The following ATXN1 variants were observed in gnomAD, a reference collection of about 807,000 sequenced individuals.
ATXN1 encodes ataxin-1.
Under a neutral mutation model 56.4 loss-of-function variants are expected in ATXN1, and 8 were observed. The observed-to-expected ratio is 0.14, with a 90% CI of 0.08 to 0.26. The LOEUF (loss-of-function observed/expected upper bound fraction) is 0.26. ATXN1 is among the 10% of genes least tolerant of loss of function. The pLI is 1.00. For synonymous variants in ATXN1, 514 were observed against 494.6 expected, an observed-to-expected ratio of 1.04 and a Z score of -0.52; for missense variants, 987 against 1,106.5, an observed-to-expected ratio of 0.89 and a Z score of 1.53.
intron 6 of ATXN1, among the ~76,000 whole-genome samples, chr6:16,392,697 T>C (rs1758380456): frequency 6.6e-6 from 1 of 152,152 alleles, no homozygotes; most frequent in Non-Finnish European, 1.5e-5. Flanking sequence ...GGTTTCATCA[T>C]GTTAGGCAGG....
chr6:16,496,184 G>GC (rs1296815875), intron 5 of ATXN1, among the ~76,000 whole-genome samples: 5 of 152,132 alleles, frequency 3.3e-5, no homozygotes, highest in Admixed American at 3.3e-4. Context: ...ACAAAGTATT[G>GC]CAAGACAAAG....
chr6:16,508,257 A>G (rs1561731646), intron 5 of ATXN1, among the ~76,000 whole-genome samples: 1 of 152,240 alleles, frequency 6.6e-6, no homozygotes, highest in Non-Finnish European at 1.5e-5. Flanking sequence ...ATACTGATAT[A>G]GTAGATAAAA....
intron 2 of ATXN1, among the ~76,000 whole-genome samples, chr6:16,664,647 GAAGA>G (rs1177754366): frequency 1.3e-5 from 2 of 152,052 alleles, no homozygotes; most frequent in African/African-American, 4.8e-5. Flanking sequence ...ACTTTTTCCA[GAAGA>G]AAGGTGAAAC....
At chr6:16,314,084 A>C (rs956191965) in intron 7 of ATXN1, among the ~76,000 whole-genome samples, 2 of 152,224 alleles carry the variant, frequency 1.3e-5, no homozygotes, top group Non-Finnish European at 2.9e-5. Context: ...CATTGTAGGC[A>C]CAGATCGGAT....
At chr6:16,349,002 G>A (rs1309426050) in intron 6 of ATXN1, among the ~76,000 whole-genome samples, 1 of 152,128 alleles carries the variant, frequency 6.6e-6, no homozygotes, top group Non-Finnish European at 1.5e-5. Flanking sequence ...TCATTTCTCT[G>A]TGCCTCAGTT....
intron 6 of ATXN1, among the ~76,000 whole-genome samples, chr6:16,456,440 C>T (rs150974327): frequency 6.2e-4 from 94 of 152,312 alleles, no homozygotes; most frequent in East Asian, 3.3e-3. Context: ...GGCTCACTAA[C>T]AACCCCCGAC....
intron 2 of ATXN1, among the ~76,000 whole-genome samples, chr6:16,719,914 G>C (rs1759713111): frequency 6.6e-6 from 1 of 152,170 alleles, no homozygotes; most frequent in Non-Finnish European, 1.5e-5. Flanking sequence ...GCTGACACCT[G>C]ATTTCAGACG....
intron 6 of ATXN1, among the ~76,000 whole-genome samples, chr6:16,419,179 G>A (rs1324966040): frequency 6.6e-6 from 1 of 152,146 alleles, no homozygotes; most frequent in Non-Finnish European, 1.5e-5. Context: ...AAACTCTGGG[G>A]CTCAAGTGAT....
chr6:16,454,014 C>T (rs897642207), intron 6 of ATXN1, among the ~76,000 whole-genome samples: 6 of 150,192 alleles, frequency 4.0e-5, no homozygotes, highest in African/African-American at 7.4e-5. Flanking sequence ...CATGGTGGCA[C>T]GTGCCTGTAA....
rs2876421 is a variant in ATXN1 at position 16,506,029 on chromosome 6, T to A, written c.-299+16598A>T. ...TTCATCTGGAGGGCAGTGTCTTCCC[T>A]CCTAGAAGAGAGGCCCAGGCTGAGA... On this transcript the variant is annotated intron_variant, in intron 5 of 7. Transcript: ENST00000436367. This position sits in a 1 kb window ranked among gnomAD's most constrained non-coding sequence, Gnocchi z 4.1. Among the ~76,000 whole-genome samples the A allele has an allele frequency of 0.044, 6,759 of 152,188 alleles. 316 individuals are homozygous for A. The highest frequency in any genetic ancestry group is 0.17 in the South Asian group (794 of 4,810).
intron 6 of ATXN1, among the ~76,000 whole-genome samples, chr6:16,372,935 AAAC>A (rs1762073275): frequency 1.1e-4 from 1 of 9,462 alleles, no homozygotes; most frequent in Non-Finnish European, 2.1e-4. Context: ...ATAAATAAAT[AAAC>A]AAACAAACAA....
In ATXN1 at chr6:16,674,500, C is replaced by A. The variant is rs569266170; in HGVS notation, c.-614-16599G>T. Among the ~76,000 whole-genome samples the A allele has an allele frequency of 8.6e-5, 13 of 151,040 alleles. 1 individual carries two copies. In the South Asian group the frequency reaches 2.1e-3, roughly 24 times the overall value. The stretch of plus-strand genomic sequence containing the variant: ...AAGTAGCTGGGATTACAGGCGCCCA[C>A]CACCACGCCCAGCTAATTTTTTTTT... On this transcript the variant is annotated intron_variant, in intron 2 of 7. Coordinates refer to ENST00000436367, the MANE Select transcript of ATXN1 (RefSeq NM_001128164.2).
At chr6:16,360,650 G>C (rs930433566) in intron 6 of ATXN1, among the ~76,000 whole-genome samples, 3 of 152,126 alleles carry the variant, frequency 2.0e-5, no homozygotes, top group Non-Finnish European at 1.5e-5. Context: ...TTTAAGTCCA[G>C]GGCTCATTCC....
At chr6:16,714,921 C>T (rs1759606724) in intron 2 of ATXN1, among the ~76,000 whole-genome samples, 1 of 152,160 alleles carries the variant, frequency 6.6e-6, no homozygotes, top group African/African-American at 2.4e-5. Flanking sequence ...GGCTTCCCTA[C>T]ACTCTAATTT....
At chr6:16,562,923 A>C (rs1762149142) in intron 4 of ATXN1, among the ~76,000 whole-genome samples, 2 of 151,748 alleles carry the variant, frequency 1.3e-5, no homozygotes, top group Non-Finnish European at 2.9e-5. Context: ...ATGAAAGATC[A>C]AGCAGGAGAG....
intron 2 of ATXN1, among the ~76,000 whole-genome samples, chr6:16,750,756 T>C (rs1158705080): frequency 6.6e-6 from 1 of 152,176 alleles, no homozygotes; most frequent in Non-Finnish European, 1.5e-5. Context: ...CACAATAAAA[T>C]TCTTGAGATA....
chr6:16,617,200 G>C (rs1763230749), intron 3 of ATXN1, among the ~76,000 whole-genome samples: 2 of 151,962 alleles, frequency 1.3e-5, no homozygotes, highest in South Asian at 4.1e-4. Context: ...AACAAGAACT[G>C]CTCAGATTCT....
At position 16,327,247 on chromosome 6, in the gene ATXN1, G is replaced by C. The variant is rs1345961751; in HGVS notation, c.1064C>G (p.Pro355Arg). 1 of 1,613,352 alleles carries C rather than the reference G, an allele frequency of 6.2e-7. No individual in the cohort carries two copies. The stretch of plus-strand genomic sequence containing the variant: ...GACCACCACGTGCCTGGACTCGTAC[G>C]GGTGAGGAACCGACTTGCCGCCTGC... ...GKAGGKSVPH[P>R]YESRHVVVHP... Residue 355 changes from proline to arginine, a missense_variant, in exon 7 of 8, where the codon CCG becomes CGG. Transcript: ENST00000436367.
chr6:16,354,330 T>C (rs1466344043), intron 6 of ATXN1, among the ~76,000 whole-genome samples: 2 of 152,088 alleles, frequency 1.3e-5, no homozygotes, highest in Non-Finnish European at 2.9e-5. Context: ...CAATCTCGGC[T>C]CACTGCAACC....
Sources: gnomAD v4.1 joint callset for allele counts (sites outside exome capture counted in the v4.1 genomes callset) on GRCh38, gnomAD v4.1.1 for gene constraint, Gnocchi (gnomAD v3.1) non-coding constraint, MANE v1.5 for transcripts, NCBI Gene and HGNC (gene_info 2026-07-23, HGNC 2026-07-21) for gene names.